The following RGS3 variants were observed in gnomAD, a reference collection of about 807,000 sequenced individuals.
RGS3 encodes regulator of G protein signaling 3.
RGS3 carries 80 observed loss-of-function variants against 132.6 expected under a neutral mutation model. The ratio of observed to expected loss-of-function variants is 0.60; its 90% CI spans 0.50 to 0.73. The LOEUF is 0.73. RGS3 is among the 30% of genes least tolerant of loss of function. The pLI is 0.00. For missense variants in RGS3, 1,382 were observed against 1,530.8 expected (o/e 0.90, Z 1.62); for synonymous variants, 598 against 620.6 (o/e 0.96, Z 0.54).
rs148212969 is a variant in RGS3 at position 113,506,508 on chromosome 9, C to T, written c.1085+15C>T. On this transcript the variant is annotated intron_variant, in intron 12 of 24. Transcript: ENST00000350696. This position sits in a 1 kb window ranked among gnomAD's most constrained non-coding sequence, Gnocchi z 4.7. ...CACGAGATCCGGTGACAGGGGACAGCGGGTGGCCTGGGGCCTCAGGCTGAT... is the reference window on the plus strand; with the variant it reads ...CACGAGATCCGGTGACAGGGGACAGTGGGTGGCCTGGGGCCTCAGGCTGAT... 1.1e-5 allele frequency: 17 copies of T among 1,554,398 alleles called. No individual in the cohort carries two copies. The highest frequency in any genetic ancestry group is 6.7e-5 in the African/African-American group (5 of 74,170).
chr9:113,560,226 GT>G (rs369081493), intron 19 of RGS3, among the ~76,000 whole-genome samples: 9 of 152,170 alleles, frequency 5.9e-5, no homozygotes, highest in African/African-American at 1.7e-4. Context: ...CCACTTCCTG[GT>G]CTCATTTTAG....
At chr9:113,594,849 C>T in intron 22 of RGS3, 70 bp from the exon 21 acceptor site, 1 of 1,487,222 alleles carries the variant, frequency 6.7e-7, no homozygotes, top group Admixed American at 1.7e-5. Context: ...CAAAGGCCGC[C>T]TGGCCCAGCT....
At position 113,476,502 on chromosome 9, in the gene RGS3, C is replaced by T. The variant is rs150779451; in HGVS notation, c.416-2989C>T. 4.3e-3 allele frequency among the ~76,000 whole-genome samples: 653 copies of T among 152,218 alleles called. 4 individuals carry two copies. The highest frequency in any genetic ancestry group is 0.012 in the South Asian group (57 of 4,828). On this transcript the variant is annotated intron_variant, in intron 3 of 24. Transcript: ENST00000350696. ...GGCAGGTGTGTCCTGGCCTGGGGAG[C>T]CTGGAGTCTGGTCTGCTGGGTTTGG...
exon 11 of RGS3, chr9:113,505,503 G>A: frequency 1.9e-6 from 3 of 1,614,192 alleles, no homozygotes; most frequent in Non-Finnish European, 2.5e-6. Flanking sequence ...TCTCCAGTTC[G>A]AGTCCAGGCC....
At chr9:113,594,258 G>A in intron 21 of RGS3, 172 bp from the exon 20 acceptor site, 1 of 1,611,630 alleles carries the variant, frequency 6.2e-7, no homozygotes. Context: ...GCGGCCCCAA[G>A]GTGGGGGGCC....
chr9:113,479,580 G>A lies in RGS3; in HGVS notation c.466+39G>A, dbSNP rs112014553. On this transcript the variant is annotated intron_variant, in intron 4 of 24. Coordinates refer to ENST00000350696, the Ensembl canonical transcript of RGS3. ...TGTGCAGGCTCACCAAGGAAGGGGC[G>A]GGCCACTCAGCTTGCTGCCTGGGGC... 2.4e-5 allele frequency: 39 copies of A among 1,606,592 alleles called. 1 individual carries two copies. The highest frequency in any genetic ancestry group is 9.4e-5 in the African/African-American group (7 of 74,826).
At chr9:113,501,020 C>A (rs1042513485) in intron 10 of RGS3, among the ~76,000 whole-genome samples, 1 of 152,138 alleles carries the variant, frequency 6.6e-6, no homozygotes, top group Non-Finnish European at 1.5e-5. Context: ...TTCCAAGTGG[C>A]AGGCAGGTCT....
chr9:113,454,005 A>G (rs1020981228), intron 1 of RGS3, among the ~76,000 whole-genome samples: 9 of 151,972 alleles, frequency 5.9e-5, no homozygotes, highest in African/African-American at 2.2e-4. Context: ...TTTTGTAAAG[A>G]TGGGGTCTAA....
chr9:113,589,719 C>T (rs1233947249), intron 20 of RGS3, among the ~76,000 whole-genome samples: 1 of 152,202 alleles, frequency 6.6e-6, no homozygotes, highest in African/African-American at 2.4e-5. Context: ...TGAATGGTGA[C>T]AGTGGTAACA....
intron 19 of RGS3, among the ~76,000 whole-genome samples, chr9:113,547,156 A>G (rs1833150091): frequency 6.6e-6 from 1 of 152,194 alleles, no homozygotes; most frequent in Admixed American, 6.5e-5. Context: ...AAACATTTCC[A>G]TGAGGGATTT....
At chr9:113,517,713 T>C (rs1283120293) in intron 16 of RGS3, 89 bp downstream of exon 14, 1 of 970,464 alleles carries the variant, frequency 1.0e-6, no homozygotes, top group Admixed American at 2.1e-5. Context: ...TCTTCCTGAG[T>C]ATCTTAGAAT....
At chr9:113,489,870 G>A (rs1352637224) in intron 7 of RGS3, among the ~76,000 whole-genome samples, 2 of 152,076 alleles carry the variant, frequency 1.3e-5, no homozygotes, top group African/African-American at 4.8e-5. Context: ...AATGTGTGGT[G>A]GTCACATTTT....
chr9:113,569,391 GAGA>G (rs1225091340), intron 19 of RGS3, among the ~76,000 whole-genome samples: 2 of 152,144 alleles, frequency 1.3e-5, no homozygotes, highest in Non-Finnish European at 2.9e-5. Context: ...AGGCAGCCAG[GAGA>G]AGGACTGTGG....
chr9:113,495,100 C>T (rs748652433), intron 7 of RGS3, among the ~76,000 whole-genome samples: 2 of 152,190 alleles, frequency 1.3e-5, no homozygotes, highest in Non-Finnish European at 2.9e-5. Flanking sequence ...TTCTCAAACT[C>T]CTGACCTCAA....
Position 113,463,458 on chromosome 9 carries a change from CT to C in RGS3, c.415+1259del, listed in dbSNP as rs147797079. On this transcript the variant is annotated intron_variant, in intron 3 of 24. Transcript: ENST00000350696. This position sits in a 1 kb window ranked among gnomAD's most constrained non-coding sequence, Gnocchi z 4.6. The stretch of plus-strand genomic sequence containing the variant: ...CCAGAGTGGGCACCCCGGACTGGGC[CT>C]TCTCGTGGGACTGGCATTTCCAACC... Among the ~76,000 whole-genome samples the C allele has an allele frequency of 0.068, 10,383 of 152,258 alleles. 513 individuals are homozygous for C. The highest frequency in any genetic ancestry group is 0.096 in the Non-Finnish European group (6,526 of 67,986).
intron 16 of RGS3, among the ~76,000 whole-genome samples, chr9:113,521,243 C>G (rs1055040058): frequency 1.3e-5 from 2 of 152,176 alleles, no homozygotes; most frequent in Non-Finnish European, 2.9e-5. Context: ...AGAGCTCCTT[C>G]AAGGACGTCT....
At chr9:113,581,760 C>T (rs912313815) in intron 19 of RGS3, 16 of 152,330 alleles carry the variant, frequency 1.1e-4, no homozygotes, top group African/African-American at 3.9e-4. Context: ...GATTTCGGAT[C>T]GCTGTTGTTT....
At chr9:113,449,889 C>T (rs1389073518) in intron 1 of RGS3, among the ~76,000 whole-genome samples, 1 of 151,090 alleles carries the variant, frequency 6.6e-6, no homozygotes, top group African/African-American at 2.4e-5. Flanking sequence ...ACTACAGGTG[C>T]CCGCCCCCAC....
intron 1 of RGS3, among the ~76,000 whole-genome samples, chr9:113,453,254 CATT>C (rs1420297014): frequency 1.0e-4 from 8 of 77,736 alleles, no homozygotes; most frequent in African/African-American, 5.5e-5. Context: ...ATAATATACT[CATT>C]ATATGATTAC....
Sources: gnomAD v4.1 joint callset for allele counts (sites outside exome capture counted in the v4.1 genomes callset) on GRCh38, gnomAD v4.1.1 for gene constraint, Gnocchi (gnomAD v3.1) non-coding constraint, MANE v1.5 for transcripts, NCBI Gene and HGNC (gene_info 2026-07-23, HGNC 2026-07-21) for gene names.